Variants in ENPP6 observed in about 807,000 individuals in gnomAD.
ENPP6 encodes ectonucleotide pyrophosphatase/phosphodiesterase 6, also known as glycerophosphocholine cholinephosphodiesterase ENPP6.
In ENPP6, 32 loss-of-function variants were observed where a neutral mutation model predicts 42.0. That is an observed-to-expected ratio of 0.76 (90% confidence interval 0.58 to 1.02). The LOEUF is 1.02. Ranked by LOEUF, ENPP6 falls within the 50% of genes least tolerant of loss-of-function variation. ENPP6 has a pLI of 0.00. For missense variants in ENPP6, 552 were observed against 566.8 expected (o/e 0.97, Z 0.27); for synonymous variants, 213 against 216.0 (o/e 0.99, Z 0.12).
At chr4:184,114,052 G>A (rs573136804) in intron 5 of ENPP6, among the ~76,000 whole-genome samples, 3 of 150,702 alleles carry the variant, frequency 2.0e-5, no homozygotes, top group Non-Finnish European at 1.5e-5. Flanking sequence ...TGCAACCTCC[G>A]ACTCCTGAGT....
rs546947707 is a variant in ENPP6, at chr4:184,122,612, T to G, written c.533+1549A>C. ...GCACTGGCACTGCTTAGTAGGCCAG[T>G]GCCAACCTGGGATTCTCATGGCTGT... On this transcript the variant is annotated intron_variant, in intron 3 of 7. Coordinates refer to ENST00000296741, the MANE Select transcript of ENPP6 (RefSeq NM_153343.4). Among the ~76,000 whole-genome samples, 4 of 152,328 alleles carry G rather than the reference T, an allele frequency of 2.6e-5. No homozygotes were observed. In the East Asian group the frequency reaches 7.7e-4, roughly 29 times the overall value.
At chr4:184,195,062 T>G (rs571531636) in intron 1 of ENPP6, among the ~76,000 whole-genome samples, 3 of 152,328 alleles carry the variant, frequency 2.0e-5, no homozygotes, top group Non-Finnish European at 4.4e-5. Context: ...CACAAAAATG[T>G]ACCATTTGGA....
At chr4:184,203,515 A>T (rs1732938246) in intron 1 of ENPP6, among the ~76,000 whole-genome samples, 2 of 152,198 alleles carry the variant, frequency 1.3e-5, no homozygotes, top group South Asian at 4.1e-4. Flanking sequence ...GTGGGCCCTA[A>T]TTCAATATGG....
At chr4:184,198,614 A>T (rs1732841760) in intron 1 of ENPP6, among the ~76,000 whole-genome samples, 1 of 152,122 alleles carries the variant, frequency 6.6e-6, no homozygotes. Flanking sequence ...AGCACAAAAC[A>T]TTGCTTTAGG....
intron 5 of ENPP6, among the ~76,000 whole-genome samples, chr4:184,113,688 G>A (rs905265142): frequency 1.2e-4 from 18 of 152,150 alleles, no homozygotes; most frequent in African/African-American, 4.3e-4. Flanking sequence ...TATCCTGCCT[G>A]CATGTGAATC....
chr4:184,192,822 C>G (rs1049642558), intron 1 of ENPP6, among the ~76,000 whole-genome samples: 1 of 152,166 alleles, frequency 6.6e-6, no homozygotes, highest in Non-Finnish European at 1.5e-5. Flanking sequence ...AATTATCACA[C>G]AGTCCACAAG....
intron 1 of ENPP6, among the ~76,000 whole-genome samples, chr4:184,166,893 T>A (rs552253876): frequency 6.6e-6 from 1 of 152,324 alleles, no homozygotes; most frequent in South Asian, 2.1e-4. Flanking sequence ...TTCCTCACAC[T>A]AGTAGGTGGC....
intron 2 of ENPP6, among the ~76,000 whole-genome samples, chr4:184,147,528 C>T (rs932855166): frequency 3.4e-4 from 52 of 152,190 alleles, no homozygotes; most frequent in African/African-American, 1.3e-3. Context: ...TGCCTGTAAT[C>T]CCAGCTCTTT....
At chr4:184,142,975 A>G (rs1036944128) in intron 2 of ENPP6, among the ~76,000 whole-genome samples, 1 of 152,202 alleles carries the variant, frequency 6.6e-6, no homozygotes, top group Non-Finnish European at 1.5e-5. Flanking sequence ...AGCGATCCAC[A>G]GGGTCTTTGT....
chr4:184,120,337 G>A (rs1370092056), intron 3 of ENPP6, among the ~76,000 whole-genome samples: 2 of 152,188 alleles, frequency 1.3e-5, no homozygotes, highest in African/African-American at 4.8e-5. Flanking sequence ...GATCCTGAAG[G>A]CAGTCCTTTA....
chr4:184,142,253 C>CTT (rs1249937524), intron 2 of ENPP6, among the ~76,000 whole-genome samples: 1 of 152,252 alleles, frequency 6.6e-6, no homozygotes, highest in Non-Finnish European at 1.5e-5. Flanking sequence ...TGCCTGCCAA[C>CTT]TTTGACACAT....
chr4:184,120,628 A>G (rs13126292), intron 3 of ENPP6, among the ~76,000 whole-genome samples: 106,956 of 152,054 alleles, frequency 0.7, 38,171 homozygotes, highest in African/African-American at 0.81. Context: ...GGACTTCCAG[A>G]AGGATGGGAG....
intron 2 of ENPP6, among the ~76,000 whole-genome samples, chr4:184,152,443 A>G (rs1394713770): frequency 1.3e-5 from 2 of 151,526 alleles, no homozygotes; most frequent in East Asian, 1.9e-4. Flanking sequence ...GCTGTCCTCA[A>G]TCCAGACCAG....
At chr4:184,091,748 A>T (rs1735805842) in intron 7 of ENPP6, among the ~76,000 whole-genome samples, 1 of 152,102 alleles carries the variant, frequency 6.6e-6, no homozygotes, top group South Asian at 2.1e-4. Flanking sequence ...CTCTAAAAAA[A>T]ATTTTTTAAA....
intron 2 of ENPP6, among the ~76,000 whole-genome samples, chr4:184,131,171 T>TTCTTTCTGTCTG (rs1736609157): frequency 1.7e-5 from 1 of 58,490 alleles, no homozygotes; most frequent in African/African-American, 7.8e-5. Flanking sequence ...CTTTCTTTCT[T>TTCTTTCTGTCTG]TCTTTCTTTC....
At chr4:184,208,730 AGCCCACCACAGCTCAAGGAGGCCT>A (rs1195539652) in intron 1 of ENPP6, among the ~76,000 whole-genome samples, 1 of 147,138 alleles carries the variant, frequency 6.8e-6, no homozygotes, top group East Asian at 2.0e-4. Context: ...AACTGGGTGG[AGCCCACCACAGCTCAAGGAGGCCT>A]GCCTGCCTCT....
chr4:184,096,119 TA>T (rs1015042590), intron 7 of ENPP6, among the ~76,000 whole-genome samples: 1 of 152,212 alleles, frequency 6.6e-6, no homozygotes, highest in African/African-American at 2.4e-5. Flanking sequence ...GGATTTGGAC[TA>T]ATGTGTTTCC....
At chr4:184,111,724 G>A (rs114529085) in intron 6 of ENPP6, among the ~76,000 whole-genome samples, 2,722 of 152,260 alleles carry the variant, frequency 0.018, 41 homozygotes, top group Non-Finnish European at 0.026. Flanking sequence ...CAGAAGCCAC[G>A]CAGTCTTCCT....
chr4:184,171,200 G>A lies in ENPP6; in HGVS notation c.242-17467C>T, dbSNP rs556629035. On this transcript the variant is annotated intron_variant, in intron 1 of 7. Coordinates refer to ENST00000296741, the MANE Select transcript of ENPP6 (RefSeq NM_153343.4). ...TAACCTGACACCAGAGGGCTGGAAG[G>A]ATCTGCAGGCAGTTGATGCTGGCTG... 9.8e-5 allele frequency among the ~76,000 whole-genome samples: 15 copies of A among 152,358 alleles called. No individual in the cohort carries two copies. In the South Asian group the frequency reaches 1.7e-3, roughly 17 times the overall value.
Sources: gnomAD v4.1 joint callset for allele counts (sites outside exome capture counted in the v4.1 genomes callset) on GRCh38, gnomAD v4.1.1 for gene constraint, MANE v1.5 for transcripts, NCBI Gene and HGNC (gene_info 2026-07-23, HGNC 2026-07-21) for gene names.